RAVER2: variants seen among roughly 807,000 people sequenced by gnomAD.
RAVER2 encodes the protein ribonucleoprotein PTB-binding 2.
Under a neutral mutation model 78.1 loss-of-function variants are expected in RAVER2, and 46 were observed. The ratio of observed to expected loss-of-function variants is 0.59; its 90% CI spans 0.46 to 0.75. The LOEUF is 0.75. Ranked by LOEUF, RAVER2 falls within the 30% of genes least tolerant of loss-of-function variation. The probability of loss-of-function intolerance (pLI) is 0.00; values close to 1 mark genes in which losing one functional copy is unlikely to be tolerated. For synonymous variants in RAVER2, 311 were observed against 313.3 expected (o/e 0.99, Z 0.08); for missense variants, 793 against 837.5 (o/e 0.95, Z 0.66).
exon 5 of RAVER2, chr1:64,789,428 C>T: frequency 6.2e-7 from 1 of 1,609,714 alleles, no homozygotes. Flanking sequence ...GAGCCAAATC[C>T]AGTACAAATT....
At chr1:64,807,286 G>C (rs768327706) in exon 9 of RAVER2, 1 of 1,614,144 alleles carries the variant, frequency 6.2e-7, no homozygotes, top group Non-Finnish European at 8.5e-7. Context: ...GCACATTGCT[G>C]GACAGGCTGG....
intron 5 of RAVER2, among the ~76,000 whole-genome samples, chr1:64,790,222 A>C (rs1341099600): frequency 6.6e-6 from 1 of 151,798 alleles, no homozygotes; most frequent in Non-Finnish European, 1.5e-5. Context: ...TTAAGTGGAA[A>C]ATTCCAAAAA....
intron 1 of RAVER2, among the ~76,000 whole-genome samples, chr1:64,753,436 T>TA (rs1421197754): frequency 6.6e-6 from 1 of 152,110 alleles, no homozygotes; most frequent in Non-Finnish European, 1.5e-5. Flanking sequence ...CTTTCTTTGT[T>TA]ATAAAGGTCT....
At chr1:64,777,669 G>T in exon 3 of RAVER2, 1 of 1,613,872 alleles carries the variant, frequency 6.2e-7, no homozygotes, top group Non-Finnish European at 8.5e-7. Flanking sequence ...ACGCAATTCA[G>T]ATGTTTCATC....
At chr1:64,795,774 A>G (rs1430914846) in intron 5 of RAVER2, among the ~76,000 whole-genome samples, 1 of 151,994 alleles carries the variant, frequency 6.6e-6, no homozygotes, top group Non-Finnish European at 1.5e-5. Context: ...TTCCTTTCCA[A>G]CATGTATGGC....
intron 9 of RAVER2, 106 bp downstream of exon 9, chr1:64,807,580 T>C (rs999765221): frequency 1.0e-5 from 12 of 1,170,584 alleles, no homozygotes; most frequent in Non-Finnish European, 1.4e-5. Flanking sequence ...GATGACTTTT[T>C]CATAGTTTAC....
chr1:64,833,070 T>TGAA (rs1654215192), exon 12 of RAVER2: 2 of 178,154 alleles, frequency 1.1e-5, no homozygotes, highest in African/African-American at 4.7e-5. Context: ...GGCACAACAG[T>TGAA]GAAGAAGTGC....
chr1:64,807,153 T>G (rs1206870840), intron 8 of RAVER2, 53 bp from the exon 9 acceptor site: 4 of 1,559,552 alleles, frequency 2.6e-6, no homozygotes, highest in Non-Finnish European at 3.5e-6. Flanking sequence ...AAAGGACTAT[T>G]GTGAATAAAT....
At chr1:64,765,209 A>T (rs1046761446) in intron 1 of RAVER2, among the ~76,000 whole-genome samples, 5 of 152,188 alleles carry the variant, frequency 3.3e-5, no homozygotes, top group African/African-American at 1.2e-4. Flanking sequence ...ACTTCCTCAT[A>T]AAGTTGATCA....
At chr1:64,787,667 A>G (rs1029688817) in intron 4 of RAVER2, among the ~76,000 whole-genome samples, 4 of 152,144 alleles carry the variant, frequency 2.6e-5, no homozygotes, top group Non-Finnish European at 5.9e-5. Flanking sequence ...TTGTCTCTGC[A>G]CTTGTGTGCC....
intron 11 of RAVER2, among the ~76,000 whole-genome samples, chr1:64,823,243 G>A (rs1469006812): frequency 6.6e-6 from 1 of 152,174 alleles, no homozygotes; most frequent in Non-Finnish European, 1.5e-5. Context: ...AGTTAGTTAT[G>A]AGCAAACAGA....
rs755749965 is a variant in RAVER2 at position 64,804,716 on chromosome 1, G to A, written c.1192-18G>A. 4.6e-5 allele frequency: 57 copies of A among 1,233,712 alleles called. No homozygotes were observed. The highest frequency in any genetic ancestry group is 1.9e-4 in the Middle Eastern group (1 of 5,236). The allele number at this position is 1,233,712 out of a possible 1,614,324, so 76.4% of individuals were successfully genotyped here. A position where few individuals can be genotyped will look rare whatever the true frequency, so the allele number is the denominator to read the frequency against. On this transcript the variant is annotated intron_variant, in intron 6 of 11. Coordinates refer to ENST00000294428, the Ensembl canonical transcript of RAVER2. ...AGCTTTTCAAAATTAAACTGACAAC[G>A]TTTTGTCATTTTCACAGAGCTCAGT...
intron 11 of RAVER2, chr1:64,816,599 C>T (rs1449215828): frequency 6.6e-6 from 1 of 152,140 alleles, no homozygotes; most frequent in Non-Finnish European, 1.5e-5. Flanking sequence ...GGGAAAGGAA[C>T]CAAAAGTGTT....
chr1:64,787,072 C>G (rs1305059780), intron 4 of RAVER2, among the ~76,000 whole-genome samples: 1 of 152,148 alleles, frequency 6.6e-6, no homozygotes, highest in Non-Finnish European at 1.5e-5. Context: ...TAGCATTTCT[C>G]ATTGGTTATT....
Position 64,807,560 on chromosome 1 carries a change from T to A in RAVER2, c.1680+86T>A. 3.9e-6 allele frequency: 5 copies of A among 1,282,756 alleles called. No individual in the cohort carries two copies. In the South Asian group the frequency reaches 8.1e-5, roughly 21 times the overall value. 79.5% of individuals were successfully genotyped at this position (1,282,756 alleles called of 1,614,324 possible). ...TTAAATTATGTCTTAAATTGTCGTG[T>A]CAATGAAATGATGACTTTTTCATAG... On this transcript the variant is annotated intron_variant, in intron 9 of 11. Coordinates refer to ENST00000294428, the Ensembl canonical transcript of RAVER2.
At chr1:64,748,023 A>G (rs1324114400) in intron 1 of RAVER2, among the ~76,000 whole-genome samples, 3 of 152,162 alleles carry the variant, frequency 2.0e-5, no homozygotes. Flanking sequence ...TTTTTGGTAT[A>G]GCAGATTTAT....
chr1:64,824,460 A>G (rs1250238246), intron 11 of RAVER2, among the ~76,000 whole-genome samples: 1 of 152,226 alleles, frequency 6.6e-6, no homozygotes, highest in East Asian at 1.9e-4. Flanking sequence ...ACCGTGATAG[A>G]TCCGAATCGT....
At position 64,797,725 on chromosome 1, in the gene RAVER2, A is replaced by G. The variant is rs911598829; in HGVS notation, c.1106-5251A>G. 2.6e-4 allele frequency among the ~76,000 whole-genome samples: 39 copies of G among 152,258 alleles called. 1 individual carries two copies. The highest frequency in any genetic ancestry group is 9.1e-4 in the African/African-American group (38 of 41,568). ...ATCTGGATTTTTTTGATATTAAAGT[A>G]GCCACCAGCTTTTAAAAATTAATAT... On this transcript the variant is annotated intron_variant, in intron 5 of 11. Transcript: ENST00000294428.
At position 64,833,208 on chromosome 1, in the gene RAVER2, A is replaced by ATATT. The variant is rs1654232522; in HGVS notation, c.*2224_*2227dup. The ATATT allele has an allele frequency of 3.8e-5, 8 of 213,066 alleles. No individual in the cohort carries two copies. The Admixed American group carries it at 4.7e-4, about 13-fold the overall frequency. The allele number at this position is 213,066 out of a possible 1,614,324, so 13.2% of individuals were successfully genotyped here. A position where few individuals can be genotyped will look rare whatever the true frequency, so the allele number is the denominator to read the frequency against. ...GAAATGCTTTGAAAATGAAATCTTA[A>ATATT]TATTAAAAGGCATATGCATGTAAAG... On this transcript the variant is annotated 3_prime_UTR_variant, in exon 12 of 12. Transcript: ENST00000294428.
Sources: gnomAD v4.1 joint callset for allele counts (sites outside exome capture counted in the v4.1 genomes callset) on GRCh38, gnomAD v4.1.1 for gene constraint, MANE v1.5 for transcripts, NCBI Gene and HGNC (gene_info 2026-07-23, HGNC 2026-07-21) for gene names.